Variants in TXLNB observed in about 807,000 individuals in gnomAD.
TXLNB encodes beta-taxilin.
A neutral mutation model predicts 57.4 loss-of-function variants in TXLNB; 37 were observed. That is an observed-to-expected ratio of 0.64 (90% CI 0.50 to 0.85). The LOEUF is 0.85. TXLNB is among the 40% of genes least tolerant of loss of function. TXLNB has a pLI of 0.00. For synonymous variants in TXLNB, 302 were observed against 309.6 expected, an observed-to-expected ratio of 0.98 and a Z score of 0.26; for missense variants, 848 against 825.6, an observed-to-expected ratio of 1.03 and a Z score of -0.33.
chr6:139,235,121 G>A (rs1775821279), downstream of TXLNB, among the ~76,000 whole-genome samples: 1 of 152,108 alleles, frequency 6.6e-6, no homozygotes, highest in Admixed American at 6.5e-5. Flanking sequence ...ATTCCCTCCG[G>A]CCTGTGCCCA....
intron 7 of TXLNB, among the ~76,000 whole-genome samples, chr6:139,253,614 G>A (rs2114476584): frequency 6.6e-6 from 1 of 152,176 alleles, no homozygotes; most frequent in Middle Eastern, 3.4e-3. Context: ...GGATGAATGA[G>A]GAACAATAGC....
chr6:139,224,617 G>T, the TXLNB span, among the ~76,000 whole-genome samples: 1 of 151,794 alleles, frequency 6.6e-6, no homozygotes, highest in Non-Finnish European at 1.5e-5. Context: ...TAAACAATTT[G>T]TGCCAATAAA....
the TXLNB span, among the ~76,000 whole-genome samples, chr6:139,171,575 C>A: frequency 7.9e-5 from 12 of 152,188 alleles, no homozygotes; most frequent in African/African-American, 2.9e-4. Context: ...AAATGTAAAT[C>A]ATGTCTTCAA....
At chr6:139,246,100 A>G (rs889043184) in intron 8 of TXLNB, among the ~76,000 whole-genome samples, 1 of 152,068 alleles carries the variant, frequency 6.6e-6, no homozygotes, top group Non-Finnish European at 1.5e-5. Flanking sequence ...TTTTATGGTA[A>G]TTTCTAGAGA....
the TXLNB span, among the ~76,000 whole-genome samples, chr6:139,309,617 G>T: frequency 6.6e-6 from 1 of 152,048 alleles, no homozygotes; most frequent in Non-Finnish European, 1.5e-5. Context: ...ATTCCCCGAA[G>T]AGTCTCGACA....
the TXLNB span, among the ~76,000 whole-genome samples, chr6:139,214,290 G>A: frequency 2.0e-5 from 3 of 152,056 alleles, no homozygotes; most frequent in Non-Finnish European, 4.4e-5. Flanking sequence ...ATGATCAAGT[G>A]GGCTTCATCC....
downstream of TXLNB, among the ~76,000 whole-genome samples, chr6:139,238,394 A>G (rs999817296): frequency 6.6e-6 from 1 of 152,206 alleles, no homozygotes; most frequent in Non-Finnish European, 1.5e-5. Flanking sequence ...ACTTAGTCTC[A>G]CAAAAAAGAA....
rs1307486877 is a variant in TXLNB at position 139,283,350 on chromosome 6, G to C, written c.424+5126C>G. Among the ~76,000 whole-genome samples, 5 of 143,978 alleles carry C rather than the reference G, an allele frequency of 3.5e-5. 1 individual carries two copies. In the East Asian group the frequency reaches 8.0e-4, roughly 23 times the overall value. 94.5% of individuals were successfully genotyped at this position (143,978 alleles called of 152,430 possible). A position where few individuals can be genotyped will look rare whatever the true frequency, so the allele number is the denominator to read the frequency against. ...CCAGCACTTTGGGAGACCGACGCAG[G>C]CGGATCACCTGAGGTCGGGAGTTCA... On this transcript the variant is annotated intron_variant, in intron 2 of 9. Transcript: ENST00000358430.
the TXLNB span, among the ~76,000 whole-genome samples, chr6:139,225,539 A>G: frequency 6.6e-6 from 1 of 152,228 alleles, no homozygotes; most frequent in Non-Finnish European, 1.5e-5. Context: ...GCAAACAATA[A>G]TAGGAAGTGA....
At chr6:139,168,793 T>C in the TXLNB span, among the ~76,000 whole-genome samples, 2 of 152,242 alleles carry the variant, frequency 1.3e-5, no homozygotes, top group African/African-American at 4.8e-5. Context: ...TTTCAACGTC[T>C]GAGAATATCC....
chr6:139,224,303 G>T, the TXLNB span, among the ~76,000 whole-genome samples: 1 of 130,964 alleles, frequency 7.6e-6, no homozygotes, highest in African/African-American at 2.8e-5. Context: ...TTGTGGGGTG[G>T]GGGGAGGGGG....
At chr6:139,173,462 A>G in the TXLNB span, among the ~76,000 whole-genome samples, 3 of 152,240 alleles carry the variant, frequency 2.0e-5, no homozygotes, top group East Asian at 1.9e-4. Context: ...GGTAAGGAGC[A>G]GGTTGATCCT....
At chr6:139,214,816 A>G in the TXLNB span, among the ~76,000 whole-genome samples, 1 of 152,240 alleles carries the variant, frequency 6.6e-6, no homozygotes, top group Non-Finnish European at 1.5e-5. Context: ...AATCACAGGC[A>G]TTCTTATACA....
the TXLNB span, among the ~76,000 whole-genome samples, chr6:139,187,509 CAA>C: frequency 3.5e-5 from 5 of 142,892 alleles, no homozygotes; most frequent in Middle Eastern, 3.5e-3. Context: ...ACTGAGTTAT[CAA>C]AACAGTATTT....
chr6:139,201,229 T>G, the TXLNB span, among the ~76,000 whole-genome samples: 1 of 152,220 alleles, frequency 6.6e-6, no homozygotes, highest in African/African-American at 2.4e-5. Flanking sequence ...GAAGTGAAAT[T>G]GATGGAGGCC....
rs938698700 is a variant in TXLNB at position 139,260,457 on chromosome 6, C to T, written c.883-20G>A. The T allele has an allele frequency of 6.2e-7, 1 of 1,609,192 alleles. No homozygotes were observed. Among genetic ancestry groups the T allele is most frequent in the African/African-American group, 1.3e-5 (1 of 74,488 alleles). ...CAGATGCTAAGAAAAATAAAGTGTACATAGAAAGCTTGGTTTATTATTGGT... is the reference window on the plus strand; with the variant it reads ...CAGATGCTAAGAAAAATAAAGTGTATATAGAAAGCTTGGTTTATTATTGGT... On this transcript the variant is annotated intron_variant, in intron 5 of 9. Coordinates refer to ENST00000358430, the MANE Select transcript of TXLNB (RefSeq NM_153235.4).
intron 2 of TXLNB, among the ~76,000 whole-genome samples, chr6:139,281,710 G>A (rs1379856594): frequency 9.1e-6 from 1 of 110,340 alleles, no homozygotes; most frequent in Non-Finnish European, 1.7e-5. Flanking sequence ...TACCACGCCC[G>A]GCTAATTTTT....
the TXLNB span, chr6:139,178,270 G>C: frequency 6.6e-6 from 1 of 152,178 alleles, no homozygotes; most frequent in East Asian, 1.9e-4. Flanking sequence ...AACTTGATTA[G>C]TCAGAGCATT....
At chr6:139,219,303 A>G in the TXLNB span, among the ~76,000 whole-genome samples, 1 of 152,220 alleles carries the variant, frequency 6.6e-6, no homozygotes, top group African/African-American at 2.4e-5. Context: ...GTTGCTGGGT[A>G]TACAGTCCTG....
Sources: allele counts gnomAD v4.1 joint callset (sites outside exome capture counted in the v4.1 genomes callset), GRCh38; gene constraint gnomAD v4.1.1; transcripts MANE v1.5; gene names NCBI Gene and HGNC (gene_info 2026-07-23, HGNC 2026-07-21).